The following RBFOX3 variants were observed in gnomAD, a reference collection of about 807,000 sequenced individuals.
RBFOX3 encodes the protein RNA binding fox-1 homolog 3, also known as RNA binding protein fox-1 homolog 3.
Under a neutral mutation model 48.7 loss-of-function variants are expected in RBFOX3, and 17 were observed. The observed-to-expected ratio is 0.35, with a 90% CI of 0.24 to 0.52. RBFOX3 has a LOEUF of 0.52. Ranked by LOEUF, RBFOX3 falls within the 20% of genes least tolerant of loss-of-function variation. RBFOX3 has a pLI of 0.94. For synonymous variants in RBFOX3, 212 were observed against 209.5 expected (o/e 1.01, Z -0.10); for missense variants, 382 against 497.5 (o/e 0.77, Z 2.21).
chr17:79,274,827 C>T (rs181625435), intron 3 of RBFOX3, among the ~76,000 whole-genome samples: 61 of 152,076 alleles, frequency 4.0e-4, no homozygotes, highest in African/African-American at 1.4e-3. Context: ...CACGGTCCCG[C>T]CAGCACAATC....
intron 2 of RBFOX3, among the ~76,000 whole-genome samples, chr17:79,374,059 C>A (rs536741429): frequency 1.3e-5 from 2 of 152,126 alleles, no homozygotes; most frequent in Admixed American, 1.3e-4. Flanking sequence ...GACGGGGTTT[C>A]GCCATGTTGG....
chr17:79,450,998 C>T (rs2073381535), intron 2 of RBFOX3, among the ~76,000 whole-genome samples: 1 of 152,198 alleles, frequency 6.6e-6, no homozygotes, highest in South Asian at 2.1e-4. Flanking sequence ...GTGCAGCATT[C>T]TCATCCGAGA....
At chr17:79,621,883 C>T in the RBFOX3 span, among the ~76,000 whole-genome samples, 4 of 151,492 alleles carry the variant, frequency 2.6e-5, no homozygotes, top group Non-Finnish European at 5.9e-5. Flanking sequence ...CATACAAGAT[C>T]GAGCGTGTGT....
At chr17:79,139,108 T>C (rs1161018625) in intron 4 of RBFOX3, among the ~76,000 whole-genome samples, 1 of 149,284 alleles carries the variant, frequency 6.7e-6, no homozygotes, top group East Asian at 2.0e-4. Flanking sequence ...ACACCCACTC[T>C]CACCCACACA....
At chr17:79,591,642 T>C (rs2093418542) in intron 1 of RBFOX3, among the ~76,000 whole-genome samples, 1 of 152,172 alleles carries the variant, frequency 6.6e-6, no homozygotes, top group African/African-American at 2.4e-5. Flanking sequence ...AGTATCGTGT[T>C]TTCTGTTGGG....
At chr17:79,258,204 G>C (rs539972513) in intron 3 of RBFOX3, among the ~76,000 whole-genome samples, 243 of 152,318 alleles carry the variant, frequency 1.6e-3, no homozygotes, top group African/African-American at 5.3e-3. Context: ...GAATAGCTCA[G>C]CTAAACCAAT....
At chr17:79,290,498 T>C (rs1304349335) in intron 3 of RBFOX3, among the ~76,000 whole-genome samples, 1 of 151,974 alleles carries the variant, frequency 6.6e-6, no homozygotes. Context: ...CTTCGCCTCA[T>C]GCCTGGTGCC....
intron 2 of RBFOX3, among the ~76,000 whole-genome samples, chr17:79,426,716 T>C (rs1175529906): frequency 6.6e-6 from 1 of 152,144 alleles, no homozygotes; most frequent in African/African-American, 2.4e-5. Context: ...TTTGTTTTTT[T>C]GCTTTGAGAC....
intron 1 of RBFOX3, among the ~76,000 whole-genome samples, chr17:79,506,801 G>A (rs963111145): frequency 6.6e-6 from 1 of 152,154 alleles, no homozygotes; most frequent in Non-Finnish European, 1.5e-5. Context: ...GAGGAGCGGC[G>A]GCCGCTTCCG....
chr17:79,249,983 C>A lies in RBFOX3; in HGVS notation c.-73-14178G>T, dbSNP rs548677865. On this transcript the variant is annotated intron_variant, in intron 3 of 14. Coordinates refer to ENST00000693108, the MANE Select transcript of RBFOX3 (RefSeq NM_001350451.2). This position sits in a 1 kb window ranked among gnomAD's most constrained non-coding sequence, Gnocchi z 4.1. ...TCGCTTTGGCTCTTGCGAGAGGGAG[C>A]CAGTTTTAAGGATGAAACCGTAATG... is the stretch of plus-strand genomic sequence containing the variant. 2.3e-4 allele frequency among the ~76,000 whole-genome samples: 35 copies of A among 152,190 alleles called. No individual in the cohort carries two copies. The highest frequency in any genetic ancestry group is 4.6e-4 in the Admixed American group (7 of 15,282).
Position 79,103,972 on chromosome 17 carries a change from T to C in RBFOX3, c.414+101A>G. 1 of 1,030,848 alleles carries C rather than the reference T, an allele frequency of 9.7e-7. No individual in the cohort carries two copies. Among genetic ancestry groups the C allele is most frequent in the Non-Finnish European group, 1.5e-6 (1 of 678,486 alleles). 63.9% of individuals were successfully genotyped at this position (1,030,848 alleles called of 1,614,324 possible). A position where few individuals can be genotyped will look rare whatever the true frequency, so the allele number is the denominator to read the frequency against. ...AAGCACCCGTGTCGCTCAGGGGTCC[T>C]CGGGCGCGAAGCTCTCCAGGAAGGA... On this transcript the variant is annotated intron_variant, in intron 7 of 14. Coordinates refer to ENST00000693108, the MANE Select transcript of RBFOX3 (RefSeq NM_001350451.2). This position sits in a 1 kb window ranked among gnomAD's most constrained non-coding sequence, Gnocchi z 6.1.
intron 2 of RBFOX3, among the ~76,000 whole-genome samples, chr17:79,412,097 GGGT>G (rs1446546311): frequency 6.6e-6 from 1 of 151,896 alleles, no homozygotes; most frequent in African/African-American, 2.4e-5. Context: ...TACGTATGTG[GGGT>G]GGTGTGTGTA....
chr17:79,091,512 C>T lies in RBFOX3; in HGVS notation c.1078-627G>A, dbSNP rs564813952. Among the ~76,000 whole-genome samples, 9 of 152,314 alleles carry T rather than the reference C, an allele frequency of 5.9e-5. No individual in the cohort carries two copies. In the South Asian group the frequency reaches 1.4e-3, roughly 25 times the overall value. On this transcript the variant is annotated intron_variant, in intron 14 of 14. Coordinates refer to ENST00000693108, the MANE Select transcript of RBFOX3 (RefSeq NM_001350451.2). ...GTGTCTCCCCAGAAGCGCCATGCAC[C>T]GGGCTGGCCAGTCCCAGGGCTGAGG...
At chr17:79,349,215 C>A in intron 2 of RBFOX3, among the ~76,000 whole-genome samples, 1 of 152,060 alleles carries the variant, frequency 6.6e-6, no homozygotes, top group South Asian at 2.1e-4. Flanking sequence ...CCAGACCTAT[C>A]CCTGCTCAGC....
At chr17:79,256,354 A>G (rs2064846557) in intron 3 of RBFOX3, among the ~76,000 whole-genome samples, 4 of 152,220 alleles carry the variant, frequency 2.6e-5, no homozygotes, top group African/African-American at 4.8e-5. Context: ...TTCCCTACAC[A>G]TAGCAAGTTT....
At chr17:79,513,908 C>G (rs1437845219) in intron 1 of RBFOX3, among the ~76,000 whole-genome samples, 1 of 152,176 alleles carries the variant, frequency 6.6e-6, no homozygotes, top group South Asian at 2.1e-4. Flanking sequence ...GCCAGCTCAC[C>G]CCTGCTTCCC....
At chr17:79,365,380 T>C (rs1297291056) in intron 2 of RBFOX3, among the ~76,000 whole-genome samples, 1 of 152,114 alleles carries the variant, frequency 6.6e-6, no homozygotes, top group Non-Finnish European at 1.5e-5. Context: ...GAAAATGAAA[T>C]AGAAAGCTGC....
At chr17:79,434,349 T>G (rs781938442) in intron 2 of RBFOX3, among the ~76,000 whole-genome samples, 3 of 152,196 alleles carry the variant, frequency 2.0e-5, no homozygotes, top group Non-Finnish European at 4.4e-5. Flanking sequence ...ATAATGAGCA[T>G]CGACTGTAAA....
rs1173912569 is a variant in RBFOX3 at position 79,443,455 on chromosome 17, C to T, written c.-175+38999G>A. On this transcript the variant is annotated intron_variant, in intron 2 of 14. Transcript: ENST00000693108. The surrounding 1 kb of genome is among the most constrained non-coding windows in gnomAD (Gnocchi z 4.4). ...GGAGTGCAGTGGCTCGATCTCGGCT[C>T]GCTGCAACCTCTGCCTCCCAGGTTC... 1.3e-5 allele frequency among the ~76,000 whole-genome samples: 2 copies of T among 152,068 alleles called. No individual in the cohort carries two copies. Among genetic ancestry groups the T allele is most frequent in the Non-Finnish European group, 2.9e-5 (2 of 68,008 alleles).
Sources: allele counts gnomAD v4.1 joint callset (sites outside exome capture counted in the v4.1 genomes callset), GRCh38; gene constraint gnomAD v4.1.1; non-coding constraint Gnocchi (gnomAD v3.1); transcripts MANE v1.5; gene names NCBI Gene and HGNC (gene_info 2026-07-23, HGNC 2026-07-21).